Variants in SDK1 observed in about 807,000 individuals in gnomAD.
SDK1 encodes sidekick cell adhesion molecule 1, also known as protein sidekick-1.
SDK1 carries 157 observed loss-of-function variants against 245.5 expected under a neutral mutation model. That is an observed-to-expected ratio of 0.64 (90% CI 0.56 to 0.73). The LOEUF (loss-of-function observed/expected upper bound fraction) is 0.73, where lower values mean the gene tolerates loss of function less well. Ranked by LOEUF, SDK1 falls within the 30% of genes least tolerant of loss-of-function variation. SDK1 has a pLI of 0.00. For synonymous variants in SDK1, 1,647 were observed against 1,278.5 expected (o/e 1.29, Z -6.15); for missense variants, 3,583 against 3,002.3 (o/e 1.19, Z -4.52).
chr7:3,657,077 T>G (rs1262785411), intron 4 of SDK1, among the ~76,000 whole-genome samples: 2 of 152,034 alleles, frequency 1.3e-5, no homozygotes, highest in Non-Finnish European at 2.9e-5. Flanking sequence ...CAAAGTTACC[T>G]TCTCCCCCAC....
chr7:4,029,439 G>C lies in SDK1; in HGVS notation c.2602+12087G>C, dbSNP rs7783054. Among the ~76,000 whole-genome samples the C allele has an allele frequency of 5.1e-3, 773 of 152,144 alleles. 2 individuals are homozygous for C. Among genetic ancestry groups the C allele is most frequent in the African/African-American group, 0.018 (757 of 41,492 alleles). On this transcript the variant is annotated intron_variant, in intron 17 of 44. Coordinates refer to ENST00000404826, the MANE Select transcript of SDK1 (RefSeq NM_152744.4). Reference sequence around the variant, plus strand: ...TTGGGCAGGCTGGTCTTGAACTTTTGACCTCAAGTAATCTGCCCACCTGGG... The same window carrying C: ...TTGGGCAGGCTGGTCTTGAACTTTTCACCTCAAGTAATCTGCCCACCTGGG...
chr7:4,080,475 T>C (rs563218860), intron 22 of SDK1, among the ~76,000 whole-genome samples: 3 of 152,332 alleles, frequency 2.0e-5, no homozygotes, highest in South Asian at 2.1e-4. Context: ...ACTGTACTTA[T>C]GCTATACTGC....
At chr7:3,850,607 C>CA (rs1780394888) in intron 5 of SDK1, among the ~76,000 whole-genome samples, 3 of 152,110 alleles carry the variant, frequency 2.0e-5, no homozygotes, top group African/African-American at 7.2e-5. Flanking sequence ...GGAACCAACC[C>CA]AAATGTCCAT....
chr7:3,447,796 C>G (rs376394389), intron 1 of SDK1, among the ~76,000 whole-genome samples: 10 of 150,924 alleles, frequency 6.6e-5, no homozygotes, highest in African/African-American at 2.4e-4. Flanking sequence ...CCTCTGCCTC[C>G]CGGGTTCAAG....
chr7:4,053,742 G>C (rs1437019070), intron 19 of SDK1, among the ~76,000 whole-genome samples: 1 of 152,106 alleles, frequency 6.6e-6, no homozygotes, highest in African/African-American at 2.4e-5. Flanking sequence ...TGGATTTCTT[G>C]ACCCTCTGAG....
intron 5 of SDK1, among the ~76,000 whole-genome samples, chr7:3,889,620 G>A (rs187081821): frequency 6.6e-6 from 1 of 152,202 alleles, no homozygotes; most frequent in Admixed American, 6.5e-5. Context: ...CCATTCTCCT[G>A]CCTCAGCCTC....
intron 1 of SDK1, among the ~76,000 whole-genome samples, chr7:3,578,049 T>C (rs1330614241): frequency 6.6e-6 from 1 of 152,070 alleles, no homozygotes; most frequent in African/African-American, 2.4e-5. Flanking sequence ...TCCCTTGTTT[T>C]TTTGTATTCA....
chr7:4,028,163 T>G (rs1056266227), intron 17 of SDK1, among the ~76,000 whole-genome samples: 10 of 152,108 alleles, frequency 6.6e-5, no homozygotes, highest in African/African-American at 2.4e-4. Context: ...CGGGCCTTAC[T>G]CCAGACCCAC....
At chr7:4,153,411 C>A (rs1384131588) in intron 30 of SDK1, among the ~76,000 whole-genome samples, 1 of 151,974 alleles carries the variant, frequency 6.6e-6, no homozygotes, top group African/African-American at 2.4e-5. Context: ...TATGGTGAAA[C>A]CCTGTCTCTA....
intron 38 of SDK1, among the ~76,000 whole-genome samples, chr7:4,217,559 AACCACACCACCCGGAGC>A (rs1373380857): frequency 3.6e-5 from 2 of 55,204 alleles, no homozygotes; most frequent in African/African-American, 1.3e-4. Context: ...CCACCCGGAG[AACCACACCACCCGGAGC>A]ACCACGCCAC....
intron 4 of SDK1, among the ~76,000 whole-genome samples, chr7:3,765,222 T>C (rs1038335545): frequency 7.9e-5 from 12 of 152,342 alleles, no homozygotes; most frequent in Admixed American, 6.5e-4. Context: ...GGATAATGTT[T>C]CTGAGATGCA....
intron 4 of SDK1, among the ~76,000 whole-genome samples, chr7:3,779,956 A>G (rs1327495630): frequency 1.3e-5 from 2 of 151,594 alleles, no homozygotes; most frequent in Non-Finnish European, 2.9e-5. Flanking sequence ...AAAAAAAAAA[A>G]AAAAAGATGA....
At chr7:3,681,202 G>GT (rs57244706) in intron 4 of SDK1, among the ~76,000 whole-genome samples, 125,538 of 152,132 alleles carry the variant, frequency 0.83, 51,950 homozygotes, top group Non-Finnish European at 0.86. Context: ...CTATAGTTTA[G>GT]TTTTTTGACT....
intron 5 of SDK1, among the ~76,000 whole-genome samples, chr7:3,884,040 GGTTTTTTGTTTGTTTGTTT>G (rs1781273373): frequency 1.4e-5 from 2 of 145,236 alleles, no homozygotes; most frequent in Non-Finnish European, 3.0e-5. Flanking sequence ...CTAAGTGATT[GGTTTTTTGTTTGTTTGTTT>G]GTTTTTTGTT....
chr7:3,661,892 G>C (rs1002000405), intron 4 of SDK1, among the ~76,000 whole-genome samples: 1 of 152,042 alleles, frequency 6.6e-6, no homozygotes, highest in Non-Finnish European at 1.5e-5. Flanking sequence ...TGGCTGAGGG[G>C]GTTACCTGTT....
intron 4 of SDK1, among the ~76,000 whole-genome samples, chr7:3,712,746 C>T (rs1048862867): frequency 1.3e-5 from 2 of 152,168 alleles, no homozygotes; most frequent in Non-Finnish European, 2.9e-5. Flanking sequence ...AAGAGTATAC[C>T]TGTTCACCTA....
chr7:3,552,187 A>G (rs761008181), intron 1 of SDK1, among the ~76,000 whole-genome samples: 8 of 152,068 alleles, frequency 5.3e-5, no homozygotes, highest in Middle Eastern at 3.4e-3. Context: ...ACAGGCGCCC[A>G]CCACCAAGCC....
At chr7:3,468,854 C>A (rs773383798) in intron 1 of SDK1, among the ~76,000 whole-genome samples, 4 of 152,058 alleles carry the variant, frequency 2.6e-5, no homozygotes, top group Admixed American at 2.6e-4. Context: ...AATTGGGATG[C>A]GATTTCTCCT....
In SDK1 at chr7:4,020,033, T is replaced by C. The variant is rs545969972; in HGVS notation, c.2602+2681T>C. Among the ~76,000 whole-genome samples, 4 of 152,194 alleles carry C rather than the reference T, an allele frequency of 2.6e-5. No homozygotes were observed. The East Asian group carries it at 7.8e-4, about 30-fold the overall frequency. Reference sequence around the variant, plus strand: ...TGCTGGGATTGGGAAGGTCATGTCATGCTTTTCTTCCAGACCCTGACTCCA... The same window carrying C: ...TGCTGGGATTGGGAAGGTCATGTCACGCTTTTCTTCCAGACCCTGACTCCA... On this transcript the variant is annotated intron_variant, in intron 17 of 44. Transcript: ENST00000404826.
Sources: allele counts gnomAD v4.1 joint callset (sites outside exome capture counted in the v4.1 genomes callset), GRCh38; gene constraint gnomAD v4.1.1; transcripts MANE v1.5; gene names NCBI Gene and HGNC (gene_info 2026-07-23, HGNC 2026-07-21).